TMC1: variants seen among roughly 807,000 people sequenced by gnomAD.
The protein encoded by TMC1 is transmembrane channel like 1, also known as transmembrane channel-like protein 1.
A neutral mutation model predicts 105.8 loss-of-function variants in TMC1; 84 were observed. The ratio of observed to expected loss-of-function variants is 0.79; its 90% CI spans 0.67 to 0.95. The LOEUF is 0.95. TMC1 is among the 40% of genes least tolerant of loss of function. TMC1 has a pLI of 0.00. For synonymous variants in TMC1, 315 were observed against 311.5 expected (o/e 1.01, Z -0.12); for missense variants, 817 against 914.1 (o/e 0.89, Z 1.37).
chr9:72,779,287 T>G (rs1828054474), intron 13 of TMC1, among the ~76,000 whole-genome samples: 1 of 152,004 alleles, frequency 6.6e-6, no homozygotes, highest in South Asian at 2.1e-4. Context: ...CTTTAAAGAT[T>G]AAAGAAACAT....
intron 13 of TMC1, among the ~76,000 whole-genome samples, chr9:72,780,925 CA>C (rs1828086005): frequency 2.0e-5 from 3 of 152,166 alleles, no homozygotes; most frequent in Non-Finnish European, 4.4e-5. Context: ...AGAAAACTAA[CA>C]AAGGTATTTG....
At chr9:72,655,957 G>A in intron 5 of TMC1, 1 of 802,988 alleles carries the variant, frequency 1.2e-6, no homozygotes, top group South Asian at 1.3e-5. Context: ...ATCTGGAAAT[G>A]ATCCCATGGC....
chr9:72,563,214 G>A (rs955625502), intron 1 of TMC1, among the ~76,000 whole-genome samples: 1 of 152,172 alleles, frequency 6.6e-6, no homozygotes, highest in Admixed American at 6.5e-5. Context: ...AGGAAGATTA[G>A]GAAGTAGATT....
intron 1 of TMC1, among the ~76,000 whole-genome samples, chr9:72,555,853 C>T (rs569974988): frequency 1.3e-4 from 19 of 151,502 alleles, no homozygotes; most frequent in Non-Finnish European, 2.8e-4. Context: ...AAACTCCTGA[C>T]CTTGTGATCC....
intron 6 of TMC1, among the ~76,000 whole-genome samples, chr9:72,691,936 G>GC (rs1826472097): frequency 6.6e-6 from 1 of 152,162 alleles, no homozygotes; most frequent in African/African-American, 2.4e-5. Context: ...ATGGCCCTGG[G>GC]CCATTTAGAA....
intron 1 of TMC1, among the ~76,000 whole-genome samples, chr9:72,554,737 G>C (rs1233189712): frequency 1.3e-5 from 2 of 152,154 alleles, no homozygotes; most frequent in African/African-American, 4.8e-5. Flanking sequence ...GTTGGATCGT[G>C]TGATTTATAA....
chr9:72,780,995 CCAA>C (rs1212659683), intron 13 of TMC1, among the ~76,000 whole-genome samples: 3 of 152,112 alleles, frequency 2.0e-5, no homozygotes, highest in Non-Finnish European at 4.4e-5. Context: ...AACACTCCAC[CCAA>C]CAACAACAGA....
intron 2 of TMC1, among the ~76,000 whole-genome samples, chr9:72,598,828 C>T (rs1824760944): frequency 6.6e-6 from 1 of 152,142 alleles, no homozygotes; most frequent in African/African-American, 2.4e-5. Flanking sequence ...TGTTTCTCTC[C>T]TTTTCCTGTA....
chr9:72,767,947 C>A (rs753142941), intron 12 of TMC1, among the ~76,000 whole-genome samples: 1 of 152,134 alleles, frequency 6.6e-6, no homozygotes, highest in East Asian at 1.9e-4. Context: ...AGATGAGGAG[C>A]GTTCTCCTTC....
intron 13 of TMC1, among the ~76,000 whole-genome samples, chr9:72,786,439 CCTCAAACAAAAACAAAACAA>C (rs1174343985): frequency 6.6e-6 from 1 of 151,970 alleles, no homozygotes; most frequent in East Asian, 1.9e-4. Context: ...GAAGACTCCT[CCTCAAACAAAAACAAAACAA>C]AAACAAAAAC....
At chr9:72,802,341 T>C (rs1828489366) in intron 17 of TMC1, among the ~76,000 whole-genome samples, 1 of 152,174 alleles carries the variant, frequency 6.6e-6, no homozygotes. Flanking sequence ...AGAAAAATTA[T>C]GTCCAAAAAT....
chr9:72,599,570 C>A (rs1012312114), intron 2 of TMC1, among the ~76,000 whole-genome samples: 1 of 152,132 alleles, frequency 6.6e-6, no homozygotes, highest in Non-Finnish European at 1.5e-5. Flanking sequence ...TCATATCTCT[C>A]TATCTCCCTT....
chr9:72,738,075 A>G (rs1796976), intron 8 of TMC1, among the ~76,000 whole-genome samples: 39,087 of 152,116 alleles, frequency 0.26, 5,418 homozygotes, highest in East Asian at 0.38. Context: ...TATGTCAATC[A>G]GCTCTATTTC....
intron 3 of TMC1, among the ~76,000 whole-genome samples, chr9:72,620,781 C>T (rs1825234156): frequency 6.6e-6 from 1 of 152,022 alleles, no homozygotes; most frequent in African/African-American, 2.4e-5. Flanking sequence ...CTATACATTG[C>T]CGTAGTTAGC....
chr9:72,729,897 A>T (rs997967297), intron 8 of TMC1, among the ~76,000 whole-genome samples: 1 of 152,240 alleles, frequency 6.6e-6, no homozygotes, highest in African/African-American at 2.4e-5. Context: ...ACAGCCATGT[A>T]GAAGTGTTAT....
intron 1 of TMC1, among the ~76,000 whole-genome samples, chr9:72,544,999 G>T (rs1251303229): frequency 6.6e-6 from 1 of 151,722 alleles, no homozygotes; most frequent in Non-Finnish European, 1.5e-5. Context: ...TTGCATTCTC[G>T]TAGCTTAGCT....
At chr9:72,649,093 A>T (rs1256403708) in intron 5 of TMC1, among the ~76,000 whole-genome samples, 1 of 152,176 alleles carries the variant, frequency 6.6e-6, no homozygotes, top group Non-Finnish European at 1.5e-5. Context: ...AATTAAGTTG[A>T]GAAGAGGAAG....
chr9:72,530,224 G>C (rs909181665), intron 1 of TMC1, among the ~76,000 whole-genome samples: 1 of 152,066 alleles, frequency 6.6e-6, no homozygotes, highest in Non-Finnish European at 1.5e-5. Flanking sequence ...TGTTGCCCAG[G>C]CTGGAGTGTA....
chr9:72,643,447 A>G (rs975166373), intron 4 of TMC1, among the ~76,000 whole-genome samples: 1 of 152,164 alleles, frequency 6.6e-6, no homozygotes, highest in Non-Finnish European at 1.5e-5. Context: ...GTAATAACAT[A>G]TCTCAGTTTC....
Sources: allele counts gnomAD v4.1 joint callset (sites outside exome capture counted in the v4.1 genomes callset), GRCh38; gene constraint gnomAD v4.1.1; transcripts MANE v1.5; gene names NCBI Gene and HGNC (gene_info 2026-07-23, HGNC 2026-07-21).